GSAP: variants seen among roughly 807,000 people sequenced by gnomAD.
GSAP encodes gamma-secretase-activating protein.
In GSAP, 118 loss-of-function variants were observed where a neutral mutation model predicts 131.7. The observed-to-expected ratio is 0.90, with a 90% confidence interval of 0.77 to 1.04. GSAP has a LOEUF of 1.04. Ranked by LOEUF, GSAP falls within the 50% of genes least tolerant of loss-of-function variation. The pLI is 0.00. For missense variants in GSAP, 1,019 were observed against 1,013.2 expected (o/e 1.01, Z -0.08); for synonymous variants, 381 against 363.4 (o/e 1.05, Z -0.55).
chr7:77,330,966 G>T, intron 19 of GSAP: 1 of 497,008 alleles, frequency 2.0e-6, no homozygotes, highest in Non-Finnish European at 2.6e-6. Flanking sequence ...CTACCCTGAA[G>T]CAAGAATGTA....
chr7:77,416,381 G>A (rs1290357819), upstream of GSAP: 28 of 912,950 alleles, frequency 3.1e-5, no homozygotes, highest in South Asian at 2.0e-5. Flanking sequence ...TCCCGGCCCC[G>A]CGTGGCCGCC....
chr7:77,357,220 T>C (rs990480216), intron 14 of GSAP, among the ~76,000 whole-genome samples: 1 of 152,142 alleles, frequency 6.6e-6, no homozygotes, highest in African/African-American at 2.4e-5. Flanking sequence ...GGGATGGATG[T>C]TCAGTCCCTC....
chr7:77,320,833 A>T lies in GSAP; in HGVS notation c.1995-14T>A, dbSNP rs963024571. 1 of 1,541,342 alleles carries T rather than the reference A, an allele frequency of 6.5e-7. No individual in the cohort carries two copies. On this transcript the variant is annotated splice_polypyrimidine_tract_variant and intron_variant, in intron 25 of 30. Transcript: ENST00000257626. ...CCACGACTATTGCTGGGTAAAAAAA[A>T]CAAAGCAGCATGTCAGCCAAGGAGC...
In GSAP at chr7:77,330,093, A is replaced by G. The variant is rs1788871407; in HGVS notation, c.1674+146T>C. The G allele has an allele frequency of 6.2e-6, 6 of 966,400 alleles. 1 individual carries two copies. The East Asian group carries it at 1.4e-4, about 22-fold the overall frequency. 59.9% of individuals were successfully genotyped at this position (966,400 alleles called of 1,614,324 possible). ...AGAGATCATAGAAGCATCTCTGCCC[A>G]TTGAGATCAGTAATGACAATGATCA... On this transcript the variant is annotated intron_variant, in intron 20 of 30. Transcript: ENST00000257626.
Position 77,397,032 on chromosome 7 carries a change from G to A in GSAP, c.317C>T (p.Ala106Val), listed in dbSNP as rs921125876. The change falls in exon 5 of 31, where the codon GCA becomes GTA. Residue 106 changes from alanine to valine, a missense_variant. Transcript: ENST00000257626. ...TTCTTTAGTAGACTGAACTAAACTTGCAGCTAATGGAAAAAGAAAAAAAAT... is the reference window on the plus strand; with the variant it reads ...TTCTTTAGTAGACTGAACTAAACTTACAGCTAATGGAAAAAGAAAAAAAAT... ...SVNSERTLLAASLVQSTKEGK... is the reference protein window; with the variant it reads ...SVNSERTLLAVSLVQSTKEGK... The A allele has an allele frequency of 5.7e-6, 9 of 1,591,762 alleles. No individual in the cohort carries two copies. The highest frequency in any genetic ancestry group is 5.4e-5 in the African/African-American group (4 of 74,484).
chr7:77,388,823 G>A (rs926311843), intron 5 of GSAP, among the ~76,000 whole-genome samples: 1 of 152,188 alleles, frequency 6.6e-6, no homozygotes, highest in Non-Finnish European at 1.5e-5. Flanking sequence ...GGAAGGTCTG[G>A]ATCTATCTAT....
chr7:77,363,273 A>G (rs558993404), intron 12 of GSAP, among the ~76,000 whole-genome samples: 1 of 152,330 alleles, frequency 6.6e-6, no homozygotes, highest in East Asian at 1.9e-4. Flanking sequence ...CCATCACTCC[A>G]GAACACCCTC....
At chr7:77,406,160 A>G in intron 1 of GSAP, 55 bp from the exon 2 acceptor site, 1 of 1,042,652 alleles carries the variant, frequency 9.6e-7, no homozygotes, top group Non-Finnish European at 1.2e-6. Flanking sequence ...AAACATATCT[A>G]ACCAATATAT....
At chr7:77,386,133 A>G (rs547107159) in intron 6 of GSAP, among the ~76,000 whole-genome samples, 1 of 152,344 alleles carries the variant, frequency 6.6e-6, no homozygotes, top group Non-Finnish European at 1.5e-5. Flanking sequence ...TTGAAATCCC[A>G]AAAGATCAAA....
chr7:77,316,829 A>G (rs76101220), intron 26 of GSAP, among the ~76,000 whole-genome samples: 12,346 of 152,156 alleles, frequency 0.081, 715 homozygotes, highest in Non-Finnish European at 0.11. Context: ...CCCAACTTTA[A>G]TCCTCATCTT....
At chr7:77,316,994 TCAAA>T (rs779614584) in intron 26 of GSAP, among the ~76,000 whole-genome samples, 16 of 152,274 alleles carry the variant, frequency 1.1e-4, no homozygotes, top group African/African-American at 2.4e-4. Flanking sequence ...CAATCGTAAC[TCAAA>T]CAGTCATCAT....
chr7:77,407,649 CA>C (rs960551946), intron 1 of GSAP, among the ~76,000 whole-genome samples: 1 of 151,342 alleles, frequency 6.6e-6, no homozygotes, highest in Non-Finnish European at 1.5e-5. Flanking sequence ...TTATGTGATG[CA>C]AAAAAAATCT....
chr7:77,366,902 T>C (rs1227035039), intron 12 of GSAP, among the ~76,000 whole-genome samples: 1 of 152,188 alleles, frequency 6.6e-6, no homozygotes, highest in Non-Finnish European at 1.5e-5. Context: ...CTTTGAGCAG[T>C]GTTTTGTAAT....
Position 77,374,147 on chromosome 7 carries a change from T to C in GSAP, c.794A>G (p.Asn265Ser), listed in dbSNP as rs202066074. ...GTATTGATGATAATCACATCCAAAG[T>C]TGACAAGTCTAAGAACATAAAGAAT... Reference protein sequence around the residue: ...SLSNSGFKLVNFGCDYHQYRD... With the variant: ...SLSNSGFKLVSFGCDYHQYRD... Residue 265 changes from asparagine to serine, a missense_variant, in exon 12 of 31, where the codon AAC becomes AGC. Coordinates refer to ENST00000257626, the MANE Select transcript of GSAP (RefSeq NM_017439.4). 1 of 1,548,982 alleles carries C rather than the reference T, an allele frequency of 6.5e-7. No homozygotes were observed. Among genetic ancestry groups the C allele is most frequent in the Non-Finnish European group, 8.9e-7 (1 of 1,126,884 alleles).
intron 19 of GSAP, 199 bp from the exon 20 acceptor site, chr7:77,330,566 T>C: frequency 1.8e-6 from 2 of 1,129,860 alleles, no homozygotes; most frequent in South Asian, 3.5e-5. Flanking sequence ...CACTTCATTT[T>C]CTGTCTCTTT....
At chr7:77,389,682 A>G (rs529890031) in intron 5 of GSAP, among the ~76,000 whole-genome samples, 6 of 152,166 alleles carry the variant, frequency 3.9e-5, no homozygotes, top group East Asian at 3.9e-4. Context: ...CCAGTCTATC[A>G]TTGTTGGACA....
chr7:77,388,818 G>A (rs148168975), intron 5 of GSAP, among the ~76,000 whole-genome samples: 1,874 of 152,304 alleles, frequency 0.012, 21 homozygotes, highest in Non-Finnish European at 0.016. Flanking sequence ...CAACTGGAAG[G>A]TCTGGATCTA....
intron 8 of GSAP, among the ~76,000 whole-genome samples, chr7:77,379,250 G>T (rs952738575): frequency 6.6e-6 from 1 of 151,890 alleles, no homozygotes; most frequent in Admixed American, 6.6e-5. Flanking sequence ...TCTCTAGATC[G>T]AGTCACCTCA....
At chr7:77,335,932 A>C (rs1474141748) in intron 19 of GSAP, among the ~76,000 whole-genome samples, 1 of 152,240 alleles carries the variant, frequency 6.6e-6, no homozygotes, top group Non-Finnish European at 1.5e-5. Flanking sequence ...GCATTGACAG[A>C]ATAAATAGAA....
Sources: allele counts gnomAD v4.1 joint callset (sites outside exome capture counted in the v4.1 genomes callset), GRCh38; gene constraint gnomAD v4.1.1; transcripts MANE v1.5; gene names NCBI Gene and HGNC (gene_info 2026-07-23, HGNC 2026-07-21).